CDKAL1: variants seen among roughly 807,000 people sequenced by gnomAD.
CDKAL1 encodes CDKAL1 threonylcarbamoyladenosine tRNA methylthiotransferase, also known as threonylcarbamoyladenosine tRNA methylthiotransferase.
A neutral mutation model predicts 68.2 loss-of-function variants in CDKAL1; 32 were observed. That is an observed-to-expected ratio of 0.47 (90% confidence interval 0.35 to 0.63). The LOEUF (loss-of-function observed/expected upper bound fraction) is 0.63, where lower values mean the gene tolerates loss of function less well. Ranked by LOEUF, CDKAL1 falls within the 30% of genes least tolerant of loss-of-function variation. The pLI is 0.00. For missense variants in CDKAL1, 606 were observed against 696.7 expected, an observed-to-expected ratio of 0.87 and a Z score of 1.47; for synonymous variants, 234 against 244.3, an observed-to-expected ratio of 0.96 and a Z score of 0.39.
intron 9 of CDKAL1, among the ~76,000 whole-genome samples, chr6:20,874,904 G>A (rs1341709084): frequency 2.6e-5 from 4 of 152,078 alleles, no homozygotes; most frequent in African/African-American, 9.7e-5. Flanking sequence ...AAAAGATTAG[G>A]GACATTCCTA....
chr6:21,174,362 G>A (rs943539234), intron 13 of CDKAL1, among the ~76,000 whole-genome samples: 1 of 151,924 alleles, frequency 6.6e-6, no homozygotes, highest in African/African-American at 2.4e-5. Context: ...AGTTCAACAG[G>A]GTTTTTGATA....
chr6:21,143,861 A>G (rs1776038572), intron 13 of CDKAL1, among the ~76,000 whole-genome samples: 1 of 152,176 alleles, frequency 6.6e-6, no homozygotes, highest in Non-Finnish European at 1.5e-5. Context: ...CTCTCTGTTG[A>G]ATACCCGGTG....
At chr6:20,706,332 AATCT>A (rs1277056700) in intron 5 of CDKAL1, among the ~76,000 whole-genome samples, 1 of 152,012 alleles carries the variant, frequency 6.6e-6, no homozygotes, top group Non-Finnish European at 1.5e-5. Context: ...GGGAAGAAAA[AATCT>A]CTCAGTCTAA....
intron 4 of CDKAL1, among the ~76,000 whole-genome samples, chr6:20,617,322 A>G (rs1204476133): frequency 2.0e-5 from 3 of 152,212 alleles, no homozygotes; most frequent in Non-Finnish European, 4.4e-5. Flanking sequence ...TGTAGGCCCT[A>G]TGAATAATAA....
chr6:20,905,279 A>G (rs573868662), intron 9 of CDKAL1, among the ~76,000 whole-genome samples: 1 of 152,238 alleles, frequency 6.6e-6, no homozygotes, highest in African/African-American at 2.4e-5. Flanking sequence ...ATAAATTTTA[A>G]AGCTGAAAAA....
chr6:20,797,878 G>A (rs55782006), intron 8 of CDKAL1, among the ~76,000 whole-genome samples: 2,839 of 150,650 alleles, frequency 0.019, 77 homozygotes, highest in African/African-American at 0.064. Flanking sequence ...GTATAGTGGC[G>A]CAACCACGGT....
chr6:21,003,436 C>T (rs1219320785), intron 11 of CDKAL1, among the ~76,000 whole-genome samples: 5 of 145,750 alleles, frequency 3.4e-5, no homozygotes, highest in African/African-American at 1.3e-4. Flanking sequence ...CATGGTGGCA[C>T]GTGCCTGTAA....
chr6:21,063,645 G>A (rs908242107), intron 11 of CDKAL1, among the ~76,000 whole-genome samples: 2 of 152,138 alleles, frequency 1.3e-5, no homozygotes, highest in African/African-American at 4.8e-5. Context: ...AAAAGATATT[G>A]TGTCCCTAAA....
rs188011705 is a variant in CDKAL1, at chr6:21,205,991, C to T, written c.1548+4717C>T. On this transcript the variant is annotated intron_variant, in intron 15 of 15. Coordinates refer to ENST00000274695, the MANE Select transcript of CDKAL1 (RefSeq NM_017774.3). The stretch of plus-strand genomic sequence containing the variant: ...CTGGGACTACAGGCACCCGCCACCG[C>T]GCCCGGCTAATTTTTTTTTTTTCTT... Among the ~76,000 whole-genome samples the T allele has an allele frequency of 3.2e-4, 48 of 149,308 alleles. 1 individual carries two copies. The East Asian group carries it at 7.3e-3, about 23-fold the overall frequency.
intron 5 of CDKAL1, among the ~76,000 whole-genome samples, chr6:20,670,130 A>G (rs1055324503): frequency 2.6e-5 from 4 of 152,154 alleles, no homozygotes; most frequent in African/African-American, 9.7e-5. Context: ...GTTCAATCCT[A>G]TTAATCATAT....
intron 11 of CDKAL1, among the ~76,000 whole-genome samples, chr6:21,035,493 A>T (rs1043866165): frequency 6.6e-6 from 1 of 152,154 alleles, no homozygotes; most frequent in Non-Finnish European, 1.5e-5. Context: ...ATTCAGGATC[A>T]TTAGAAAACA....
chr6:21,004,732 A>C lies in CDKAL1; in HGVS notation c.1055+4360A>C, dbSNP rs367616534. 8.4e-4 allele frequency among the ~76,000 whole-genome samples: 128 copies of C among 152,228 alleles called. 1 individual carries two copies. Among genetic ancestry groups the C allele is most frequent in the African/African-American group, 3.0e-3 (123 of 41,544 alleles). On this transcript the variant is annotated intron_variant, in intron 11 of 15. Transcript: ENST00000274695. Reference sequence around the variant, plus strand: ...GTAATCCCAATACTTTGGGAGGCTGAGGTAGGAGGATCACTTGAGCCCAGG... The same window carrying C: ...GTAATCCCAATACTTTGGGAGGCTGCGGTAGGAGGATCACTTGAGCCCAGG...
intron 4 of CDKAL1, among the ~76,000 whole-genome samples, chr6:20,589,117 C>T (rs973689625): frequency 6.6e-6 from 1 of 152,080 alleles, no homozygotes; most frequent in African/African-American, 2.4e-5. Context: ...TCTGCAGCCA[C>T]ACAGAGAAAT....
intron 9 of CDKAL1, among the ~76,000 whole-genome samples, chr6:20,862,421 A>C (rs1759679673): frequency 6.6e-6 from 1 of 152,228 alleles, no homozygotes; most frequent in African/African-American, 2.4e-5. Flanking sequence ...CCCATTGTAA[A>C]AATAAGGATA....
intron 10 of CDKAL1, among the ~76,000 whole-genome samples, chr6:20,967,592 T>A (rs932027671): frequency 6.6e-6 from 1 of 152,224 alleles, no homozygotes; most frequent in Non-Finnish European, 1.5e-5. Flanking sequence ...CACAGACTTA[T>A]AATTAGCACT....
intron 9 of CDKAL1, among the ~76,000 whole-genome samples, chr6:20,859,186 A>G (rs914212679): frequency 6.6e-6 from 1 of 152,082 alleles, no homozygotes; most frequent in Non-Finnish European, 1.5e-5. Flanking sequence ...CTCTTTGATC[A>G]TGTGGTAGCC....
Position 21,145,737 on chromosome 6 carries a change from C to T in CDKAL1, c.1299+37274C>T, listed in dbSNP as rs73383771. Among the ~76,000 whole-genome samples the T allele has an allele frequency of 8.7e-3, 1,320 of 152,248 alleles. 14 individuals carry two copies. The highest frequency in any genetic ancestry group is 0.029 in the African/African-American group (1,190 of 41,554). ...ATAACGTAGCAGGATCCCATCTCTA[C>T]AAAATATCAAAAATTCACCGGGCCT... On this transcript the variant is annotated intron_variant, in intron 13 of 15. Transcript: ENST00000274695.
chr6:20,927,476 G>T (rs1488665905), intron 9 of CDKAL1, among the ~76,000 whole-genome samples: 1 of 152,096 alleles, frequency 6.6e-6, no homozygotes. Context: ...CAGTTGTATT[G>T]CCTATTAATA....
chr6:20,792,327 G>A (rs1296701151), intron 8 of CDKAL1, among the ~76,000 whole-genome samples: 1 of 152,060 alleles, frequency 6.6e-6, no homozygotes, highest in South Asian at 2.1e-4. Context: ...TTAAAACGAG[G>A]TCATTTTTAA....
Sources: allele counts gnomAD v4.1 joint callset (sites outside exome capture counted in the v4.1 genomes callset), GRCh38; gene constraint gnomAD v4.1.1; transcripts MANE v1.5; gene names NCBI Gene and HGNC (gene_info 2026-07-23, HGNC 2026-07-21).